Variants in SMYD3 observed in about 807,000 individuals in gnomAD.
SMYD3 encodes SET and MYND domain containing 3.
Under a neutral mutation model 57.7 loss-of-function variants are expected in SMYD3, and 36 were observed. The observed-to-expected ratio is 0.62, with a 90% CI of 0.48 to 0.82. The LOEUF is 0.82. Ranked by LOEUF, SMYD3 falls within the 40% of genes least tolerant of loss-of-function variation. The pLI is 0.00. For missense variants in SMYD3, 515 were observed against 538.8 expected (o/e 0.96, Z 0.44); for synonymous variants, 211 against 195.0 (o/e 1.08, Z -0.68).
chr1:246,489,419 G>A (rs541708514), intron 1 of SMYD3, among the ~76,000 whole-genome samples: 1 of 152,270 alleles, frequency 6.6e-6, no homozygotes, highest in Admixed American at 6.5e-5. Flanking sequence ...TTTTGTGTGT[G>A]TTGTCTCATT....
chr1:246,091,818 G>A (rs936160457), intron 5 of SMYD3, among the ~76,000 whole-genome samples: 1 of 152,152 alleles, frequency 6.6e-6, no homozygotes, highest in Non-Finnish European at 1.5e-5. Context: ...TGTTTCCAAT[G>A]CTACTTTCAA....
intron 10 of SMYD3, among the ~76,000 whole-genome samples, chr1:245,795,059 G>T (rs78205279): frequency 0.017 from 2,573 of 152,100 alleles, 33 homozygotes; most frequent in Non-Finnish European, 0.026. Flanking sequence ...TCAGTGGCAG[G>T]TTCTCTCCCA....
intron 1 of SMYD3, among the ~76,000 whole-genome samples, chr1:246,426,567 T>C (rs980801455): frequency 3.3e-5 from 5 of 152,246 alleles, no homozygotes; most frequent in African/African-American, 1.2e-4. Flanking sequence ...CTGAGGTTCA[T>C]TGAGTAAGGT....
At position 246,447,943 on chromosome 1, in the gene SMYD3, C is replaced by T. The variant is rs141989361; in HGVS notation, c.164+59111G>A. On this transcript the variant is annotated intron_variant, in intron 1 of 11. Coordinates refer to ENST00000490107, the MANE Select transcript of SMYD3 (RefSeq NM_001167740.2). ...ATTTGTTAACAACTTTCCACGTCTG[C>T]TTCCTCTCTACATATGTGTATCTGT... is the stretch of plus-strand genomic sequence containing the variant. Among the ~76,000 whole-genome samples, 356 of 152,364 alleles carry T rather than the reference C, an allele frequency of 2.3e-3. 6 individuals carry two copies. Among genetic ancestry groups the T allele is most frequent in the Non-Finnish European group, 8.4e-4 (57 of 68,042 alleles).
Position 245,896,750 on chromosome 1 carries a change from C to T in SMYD3, c.813+18780G>A, listed in dbSNP as rs559394934. Among the ~76,000 whole-genome samples the T allele has an allele frequency of 2.6e-5, 4 of 152,286 alleles. No homozygotes were observed. The East Asian group carries it at 5.8e-4, about 22-fold the overall frequency. On this transcript the variant is annotated intron_variant, in intron 8 of 11. Coordinates refer to ENST00000490107, the MANE Select transcript of SMYD3 (RefSeq NM_001167740.2). ...CTCTTGTCTAGGTACACAGCCATGACGCCCACCATCTAGGCAACACTTCTG... is the reference window on the plus strand; with the variant it reads ...CTCTTGTCTAGGTACACAGCCATGATGCCCACCATCTAGGCAACACTTCTG...
chr1:245,791,620 G>A lies in SMYD3; in HGVS notation c.1077-27471C>T, dbSNP rs35674918. 1.5e-4 allele frequency among the ~76,000 whole-genome samples: 21 copies of A among 140,946 alleles called. No homozygotes were observed. In the East Asian group the frequency reaches 4.7e-3, roughly 31 times the overall value. The allele number at this position is 140,946 out of a possible 152,430, so 92.5% of individuals were successfully genotyped here. A position where few individuals can be genotyped will look rare whatever the true frequency, so the allele number is the denominator to read the frequency against. On this transcript the variant is annotated intron_variant, in intron 10 of 11. Transcript: ENST00000490107. ...GGGGAGAGGACGGGAGAAAGAGAGA[G>A]GGGGGCAGACAGGGGGCCTGTGCAT...
intron 5 of SMYD3, among the ~76,000 whole-genome samples, chr1:245,950,099 GGACATAT>G (rs1407634565): frequency 2.2e-4 from 34 of 152,054 alleles, no homozygotes; most frequent in Non-Finnish European, 8.8e-5. Flanking sequence ...ACAAAAGCAA[GGACATAT>G]GACTAAGAAA....
intron 8 of SMYD3, among the ~76,000 whole-genome samples, chr1:245,894,504 C>G (rs2053621169): frequency 6.6e-6 from 1 of 152,078 alleles, no homozygotes; most frequent in Admixed American, 6.5e-5. Context: ...TCCGTGCCAT[C>G]TTTAAGAGCT....
chr1:246,065,815 T>C (rs1043333753), intron 5 of SMYD3, among the ~76,000 whole-genome samples: 1 of 152,200 alleles, frequency 6.6e-6, no homozygotes, highest in African/African-American at 2.4e-5. Context: ...TCTCTACATG[T>C]CAATAGATTC....
chr1:246,405,085 G>C (rs994379577), intron 1 of SMYD3, among the ~76,000 whole-genome samples: 2 of 151,994 alleles, frequency 1.3e-5, no homozygotes, highest in African/African-American at 4.8e-5. Context: ...CCAAGTAGCT[G>C]GGACTACAGG....
intron 5 of SMYD3, among the ~76,000 whole-genome samples, chr1:246,226,789 T>C (rs577317913): frequency 6.6e-6 from 1 of 152,320 alleles, no homozygotes; most frequent in East Asian, 1.9e-4. Context: ...AGTGGAGATA[T>C]GCAAGTACTC....
At chr1:246,081,639 C>A (rs2060638929) in intron 5 of SMYD3, among the ~76,000 whole-genome samples, 1 of 152,224 alleles carries the variant, frequency 6.6e-6, no homozygotes, top group Non-Finnish European at 1.5e-5. Context: ...AGTGACCTGC[C>A]TGCCTTGGCC....
At chr1:246,226,315 AC>A (rs2063329473) in intron 5 of SMYD3, among the ~76,000 whole-genome samples, 1 of 151,980 alleles carries the variant, frequency 6.6e-6, no homozygotes, top group Non-Finnish European at 1.5e-5. Context: ...TTTCTTTTCC[AC>A]TAAGCACACT....
intron 1 of SMYD3, among the ~76,000 whole-genome samples, chr1:246,412,939 G>T (rs11805362): frequency 0.44 from 66,416 of 151,456 alleles, 15,275 homozygotes; most frequent in Admixed American, 0.54. Context: ...GTATGTACCA[G>T]ATCTTCCTAA....
intron 2 of SMYD3, among the ~76,000 whole-genome samples, chr1:246,347,898 T>C (rs1182393786): frequency 1.3e-5 from 2 of 151,696 alleles, no homozygotes. Context: ...TGAACTACCA[T>C]GTGACCCAGC....
At chr1:245,812,297 C>A (rs900281656) in intron 10 of SMYD3, among the ~76,000 whole-genome samples, 1 of 152,176 alleles carries the variant, frequency 6.6e-6, no homozygotes, top group Non-Finnish European at 1.5e-5. Flanking sequence ...AGAGGACAAG[C>A]TTGTGCTCAG....
At chr1:246,019,379 C>G (rs138002005) in intron 5 of SMYD3, among the ~76,000 whole-genome samples, 1 of 152,296 alleles carries the variant, frequency 6.6e-6, no homozygotes, top group African/African-American at 2.4e-5. Context: ...TACAGCTATT[C>G]TTTTGATTTC....
chr1:246,238,845 A>G (rs753904564), intron 5 of SMYD3, among the ~76,000 whole-genome samples: 6 of 150,276 alleles, frequency 4.0e-5, no homozygotes, highest in Non-Finnish European at 7.4e-5. Flanking sequence ...CTTAACAAAT[A>G]GTTTTGGCTA....
chr1:246,494,400 A>T (rs1170271154), intron 1 of SMYD3, among the ~76,000 whole-genome samples: 2 of 152,132 alleles, frequency 1.3e-5, no homozygotes, highest in African/African-American at 4.8e-5. Context: ...AACTCTGGCT[A>T]TGCATTAGCA....
Sources: allele counts gnomAD v4.1 joint callset (sites outside exome capture counted in the v4.1 genomes callset), GRCh38; gene constraint gnomAD v4.1.1; transcripts MANE v1.5; gene names NCBI Gene and HGNC (gene_info 2026-07-23, HGNC 2026-07-21).